CYP27C1: variants seen among roughly 807,000 people sequenced by gnomAD.
CYP27C1 encodes cytochrome P450 27C1.
Under a neutral mutation model 40.6 loss-of-function variants are expected in CYP27C1, and 29 were observed. The observed-to-expected ratio is 0.71, with a 90% CI of 0.53 to 0.97. The LOEUF (loss-of-function observed/expected upper bound fraction) is 0.97, where lower values mean the gene tolerates loss of function less well. Among genes scored for constraint, CYP27C1 ranks in the 50% least tolerant of loss-of-function variants. The pLI, the probability that CYP27C1 is intolerant of heterozygous loss-of-function variation, is 0.00. For missense variants in CYP27C1, 390 were observed against 485.8 expected, an observed-to-expected ratio of 0.80 and a Z score of 1.85; for synonymous variants, 198 against 186.8, an observed-to-expected ratio of 1.06 and a Z score of -0.49.
intron 6 of CYP27C1, among the ~76,000 whole-genome samples, chr2:127,194,140 G>A (rs969551092): frequency 3.3e-5 from 5 of 152,124 alleles, no homozygotes; most frequent in Non-Finnish European, 7.3e-5. Context: ...TGTGTTCCCA[G>A]GAGGGAAATT....
intron 8 of CYP27C1, among the ~76,000 whole-genome samples, chr2:127,188,113 G>C (rs777441209): frequency 3.3e-5 from 5 of 152,202 alleles, no homozygotes; most frequent in African/African-American, 4.8e-5. Context: ...CAGGCTCCTG[G>C]GGGGAGGAGG....
Position 127,219,798 on chromosome 2 carries a change from C to T in CYP27C1, c.282+191G>A, listed in dbSNP as rs1683513158. Reference sequence around the variant, plus strand: ...GTCCTCTCCCCAGCGCCCCTTCCTGCGAACCTTAACCGGACAACCCCAGTC... The same window carrying T: ...GTCCTCTCCCCAGCGCCCCTTCCTGTGAACCTTAACCGGACAACCCCAGTC... On this transcript the variant is annotated intron_variant, in intron 1 of 8. Coordinates refer to ENST00000664447, the MANE Select transcript of CYP27C1 (RefSeq NM_001367502.1). The surrounding 1 kb of genome is among the most constrained non-coding windows in gnomAD (Gnocchi z 8.7). Among the ~76,000 whole-genome samples, 1 of 151,032 alleles carries T rather than the reference C, an allele frequency of 6.6e-6. No homozygotes were observed. Among genetic ancestry groups the T allele is most frequent in the African/African-American group, 2.4e-5 (1 of 41,060 alleles).
rs775859403 is a variant in CYP27C1 at position 127,199,387 on chromosome 2, C to T, written c.1036G>A (p.Gly346Ser). The change falls in exon 5 of 9, where the codon GGC becomes AGC. Residue 346 changes from glycine to serine, a missense_variant. Physicochemically the swap from Gly to Ser is moderately conservative, Grantham distance 56 (BLOSUM62 0). Coordinates refer to ENST00000664447, the MANE Select transcript of CYP27C1 (RefSeq NM_001367502.1). ...ACCCCCAGACTCACCGTGTCGACGCCGGCCAGCAGCATCTCAGTCACGTTG... is the reference window on the plus strand; with the variant it reads ...ACCCCCAGACTCACCGTGTCGACGCTGGCCAGCAGCATCTCAGTCACGTTG... Reference protein sequence around the residue: ...YANVTEMLLAGVDTTSFTLSW... With the variant: ...YANVTEMLLASVDTTSFTLSW... 19 of 1,613,878 alleles carry T rather than the reference C, an allele frequency of 1.2e-5. No homozygotes were observed. Among genetic ancestry groups the T allele is most frequent in the East Asian group, 2.2e-5 (1 of 44,888 alleles).
At chr2:127,187,481 G>T in intron 8 of CYP27C1, 94 bp from the exon 9 acceptor site, 1 of 1,117,190 alleles carries the variant, frequency 9.0e-7, no homozygotes, top group Non-Finnish European at 1.3e-6. Context: ...TGGCGGCACT[G>T]GGCTGCAGAG....
rs757725472 is a variant in CYP27C1 at position 127,193,883 on chromosome 2, CGG to C, written c.1215-18_1215-17del. ...TGGAAACAGCCTGGAAAAGAGCCAGCGGGGACGGGAATGGCGTGGTGACTTTC... is the reference window on the plus strand; with the variant it reads ...TGGAAACAGCCTGGAAAAGAGCCAGCGGACGGGAATGGCGTGGTGACTTTC... On this transcript the variant is annotated splice_polypyrimidine_tract_variant and intron_variant, in intron 6 of 8. Transcript: ENST00000664447. The C allele has an allele frequency of 6.2e-7, 1 of 1,613,260 alleles. No individual in the cohort carries two copies. Among genetic ancestry groups the C allele is most frequent in the Admixed American group, 1.7e-5 (1 of 59,920 alleles).
At chr2:127,206,140 A>G (rs990176531) in intron 1 of CYP27C1, among the ~76,000 whole-genome samples, 50 bp from the exon 2 acceptor site, 2 of 152,384 alleles carry the variant, frequency 1.3e-5, no homozygotes, top group Admixed American at 6.5e-5. Flanking sequence ...TAGATATGAT[A>G]TACCTTTAAC....
At chr2:127,204,610 A>AAAGCAAGCAAGCAAGC (rs1558931559) in intron 2 of CYP27C1, among the ~76,000 whole-genome samples, 3 of 102,604 alleles carry the variant, frequency 2.9e-5, no homozygotes, top group Admixed American at 1.2e-4. Flanking sequence ...AGAAAGAAAG[A>AAAGCAAGCAAGCAAGC]AAGAAAGAAA....
Position 127,218,381 on chromosome 2 carries a change from T to C in CYP27C1, c.282+1608A>G, listed in dbSNP as rs1683484691. Among the ~76,000 whole-genome samples, 1 of 152,002 alleles carries C rather than the reference T, an allele frequency of 6.6e-6. No individual in the cohort carries two copies. Among genetic ancestry groups the C allele is most frequent in the Non-Finnish European group, 1.5e-5 (1 of 67,986 alleles). ...TCAACAGCAAATAACAAAACACTTT[T>C]TACTGTATTTGAAAGTTGCCATCCT... On this transcript the variant is annotated intron_variant, in intron 1 of 8. Coordinates refer to ENST00000664447, the MANE Select transcript of CYP27C1 (RefSeq NM_001367502.1). This position sits in a 1 kb window ranked among gnomAD's most constrained non-coding sequence, Gnocchi z 6.0.
intron 2 of CYP27C1, among the ~76,000 whole-genome samples, chr2:127,204,555 G>GAGAGAGAGAGAAAGAAAGAA (rs1553503372): frequency 2.6e-5 from 1 of 39,184 alleles, no homozygotes; most frequent in Non-Finnish European, 5.0e-5. Context: ...GAGAGAGAGA[G>GAGAGAGAGAGAAAGAAAGAA]AGAAAGAAAG....
intron 8 of CYP27C1, among the ~76,000 whole-genome samples, chr2:127,192,475 T>C (rs1405565684): frequency 6.6e-6 from 1 of 152,248 alleles, no homozygotes; most frequent in Non-Finnish European, 1.5e-5. Context: ...CAGAATTATG[T>C]ATCTTCACAT....
intron 1 of CYP27C1, among the ~76,000 whole-genome samples, chr2:127,216,981 G>A (rs1362528534): frequency 1.3e-5 from 2 of 152,204 alleles, no homozygotes; most frequent in African/African-American, 4.8e-5. Context: ...CCATCTCCAA[G>A]GGGTCACTTC....
At chr2:127,216,027 G>A (rs1017745605) in intron 1 of CYP27C1, among the ~76,000 whole-genome samples, 61 of 152,242 alleles carry the variant, frequency 4.0e-4, no homozygotes, top group African/African-American at 1.4e-3. Context: ...ATAATCAAAA[G>A]GACAAGTAAT....
In CYP27C1 at chr2:127,184,025, G is replaced by GT; in HGVS notation, c.*3245dup. 1 of 152,312 alleles carries GT rather than the reference G, an allele frequency of 6.6e-6. No individual in the cohort carries two copies. The highest frequency in any genetic ancestry group is 1.9e-4 in the East Asian group (1 of 5,180). The allele number at this position is 152,312 out of a possible 1,614,324, so 9.4% of individuals were successfully genotyped here. ...ATACCCACCTCCTGCAGCAAGCTGG[G>GT]TTATTTTAAAGCAAATCCAAGATGC... On this transcript the variant is annotated 3_prime_UTR_variant, in exon 9 of 9. Coordinates refer to ENST00000664447, the MANE Select transcript of CYP27C1 (RefSeq NM_001367502.1).
chr2:127,204,035 T>C (rs1360997337), intron 2 of CYP27C1, among the ~76,000 whole-genome samples: 1 of 151,654 alleles, frequency 6.6e-6, no homozygotes, highest in Non-Finnish European at 1.5e-5. Flanking sequence ...GAGGCCAAGA[T>C]GGGTGGATCA....
chr2:127,211,361 G>GGT (rs1683331501), intron 1 of CYP27C1, among the ~76,000 whole-genome samples: 2 of 103,598 alleles, frequency 1.9e-5, no homozygotes, highest in African/African-American at 7.9e-5. Flanking sequence ...CTAAAGCAGT[G>GGT]TTTTTTTGTT....
At position 127,208,366 on chromosome 2, in the gene CYP27C1, G is replaced by A. The variant is rs1408793490; in HGVS notation, c.283-2276C>T. 2.6e-5 allele frequency among the ~76,000 whole-genome samples: 4 copies of A among 152,190 alleles called. No homozygotes were observed. The highest frequency in any genetic ancestry group is 5.9e-5 in the Non-Finnish European group (4 of 68,036). ...GAAACTGTGCTTTTTCCACAGAACT[G>A]TGCAACCTACAGGTCAGAAGATCCC... On this transcript the variant is annotated intron_variant, in intron 1 of 8. Coordinates refer to ENST00000664447, the MANE Select transcript of CYP27C1 (RefSeq NM_001367502.1). The surrounding 1 kb of genome is among the most constrained non-coding windows in gnomAD (Gnocchi z 5.2).
chr2:127,194,689 A>C (rs1478581399), intron 6 of CYP27C1, among the ~76,000 whole-genome samples: 1 of 152,212 alleles, frequency 6.6e-6, no homozygotes. Context: ...TGAACAGGTC[A>C]AACTATTTTC....
intron 1 of CYP27C1, among the ~76,000 whole-genome samples, chr2:127,215,453 A>G (rs1264745758): frequency 1.3e-5 from 2 of 152,226 alleles, no homozygotes; most frequent in East Asian, 3.8e-4. Context: ...AATCTTCATG[A>G]CCCTGGGTTT....
At chr2:127,210,385 C>T (rs1381814275) in intron 1 of CYP27C1, among the ~76,000 whole-genome samples, 2 of 152,118 alleles carry the variant, frequency 1.3e-5, no homozygotes, top group Non-Finnish European at 2.9e-5. Flanking sequence ...AAGGAAAAAC[C>T]AGTACCAGCC....
Sources: gnomAD v4.1 joint callset for allele counts (sites outside exome capture counted in the v4.1 genomes callset) on GRCh38, gnomAD v4.1.1 for gene constraint, Gnocchi (gnomAD v3.1) non-coding constraint, MANE v1.5 for transcripts, NCBI Gene and HGNC (gene_info 2026-07-23, HGNC 2026-07-21) for gene names.